The following GLI3 variants were observed in gnomAD, a reference collection of about 807,000 sequenced individuals.
GLI3 encodes the protein GLI family zinc finger 3.
A neutral mutation model predicts 100.8 loss-of-function variants in GLI3; 20 were observed. That is an observed-to-expected ratio of 0.20 (90% CI 0.14 to 0.29). The LOEUF (loss-of-function observed/expected upper bound fraction) is 0.29. Ranked by LOEUF, GLI3 falls within the 10% of genes least tolerant of loss-of-function variation. The pLI is 1.00. For synonymous variants in GLI3, 938 were observed against 860.5 expected, an observed-to-expected ratio of 1.09 and a Z score of -1.58; for missense variants, 2,040 against 2,128.5, an observed-to-expected ratio of 0.96 and a Z score of 0.82.
intron 10 of GLI3, among the ~76,000 whole-genome samples, chr7:41,986,647 T>C (rs1787830887): frequency 6.6e-6 from 1 of 152,072 alleles, no homozygotes; most frequent in Admixed American, 6.6e-5. Flanking sequence ...AATCTATATA[T>C]TAAAAAAGGT....
intron 2 of GLI3, among the ~76,000 whole-genome samples, chr7:42,157,008 C>T (rs1216322921): frequency 6.6e-6 from 1 of 152,196 alleles, no homozygotes; most frequent in Non-Finnish European, 1.5e-5. Flanking sequence ...ATTTTAGAGA[C>T]CATGCTTATG....
At chr7:42,096,675 C>T (rs1785345061) in intron 3 of GLI3, among the ~76,000 whole-genome samples, 1 of 152,204 alleles carries the variant, frequency 6.6e-6, no homozygotes, top group African/African-American at 2.4e-5. Context: ...AGCCACATCC[C>T]TCTCTGCCTG....
chr7:42,261,200 A>AACACACACACACACAAACAC lies in GLI3; in HGVS notation c.-43+2793_-43+2794insGTGTTTGTGTGTGTGTGTGT, dbSNP rs61693928. On this transcript the variant is annotated intron_variant, in intron 1 of 2. Coordinates refer to the GLI3 transcript ENST00000678978. ...ACAGCAGGAACAAGACACACACACA[A>AACACACACACACACAAACAC]ACACACACACACACACACACACAAC... 2.8e-3 allele frequency among the ~76,000 whole-genome samples: 416 copies of AACACACACACACACAAACAC among 147,428 alleles called. 1 individual carries two copies. The highest frequency in any genetic ancestry group is 4.6e-3 in the East Asian group (23 of 4,954).
intron 10 of GLI3, among the ~76,000 whole-genome samples, chr7:42,008,995 C>T (rs958652812): frequency 6.6e-6 from 1 of 152,184 alleles, no homozygotes; most frequent in African/African-American, 2.4e-5. Context: ...ACAACTTCAT[C>T]CTGGAAACAG....
At chr7:42,240,121 A>G (rs1001411025), upstream of GLI3, among the ~76,000 whole-genome samples, 1 of 152,220 alleles carries the variant, frequency 6.6e-6, no homozygotes, top group Non-Finnish European at 1.5e-5. Context: ...CTTTGTTTGT[A>G]GTGATACACA....
chr7:42,238,352 GC>G (rs551708421), upstream of GLI3, among the ~76,000 whole-genome samples: 41 of 151,904 alleles, frequency 2.7e-4, 1 homozygote, highest in African/African-American at 7.7e-4. Context: ...GATTACCACC[GC>G]CCCCCATCCT....
chr7:42,058,086 GATAA>G (rs1784498752), intron 4 of GLI3, among the ~76,000 whole-genome samples: 4 of 151,850 alleles, frequency 2.6e-5, no homozygotes, highest in Admixed American at 2.0e-4. Flanking sequence ...AAAAATATGT[GATAA>G]ATAAAATGGG....
intron 2 of GLI3, among the ~76,000 whole-genome samples, chr7:42,211,708 A>G (rs1217921331): frequency 2.6e-5 from 4 of 152,158 alleles, no homozygotes; most frequent in Non-Finnish European, 5.9e-5. Flanking sequence ...TTCGACATTA[A>G]CTAAGCCTAG....
intron 10 of GLI3, among the ~76,000 whole-genome samples, chr7:41,992,703 C>T (rs1206269076): frequency 6.6e-6 from 1 of 152,058 alleles, no homozygotes; most frequent in Non-Finnish European, 1.5e-5. Flanking sequence ...GAACAAAGGA[C>T]ACAGTAAATG....
intron 6 of GLI3, 51 bp from the exon 7 acceptor site, chr7:42,040,290 C>T (rs1472460687): frequency 7.5e-7 from 1 of 1,334,906 alleles, no homozygotes; most frequent in East Asian, 2.3e-5. Flanking sequence ...GACTCTATAC[C>T]AGCTATTTAT....
Position 41,965,422 on chromosome 7 carries a change from C to A in GLI3, c.3651G>T (p.Gly1217=), listed in dbSNP as rs776777058. The change falls in exon 15 of 15, where the codon GGG becomes GGT. Residue 1217 remains glycine, a synonymous_variant. Coordinates refer to ENST00000395925, the MANE Select transcript of GLI3 (RefSeq NM_000168.6). The stretch of plus-strand genomic sequence containing the variant: ...GGCCACCGTAGGGGTTGCTGTTCTC[C>A]CCGAGGGTCTGATAGCCCCCAGCAG... ...SGPAGGYQTL[G]ENSNPYGGPE... 13 of 1,607,980 alleles carry A rather than the reference C, an allele frequency of 8.1e-6. No individual in the cohort carries two copies. Among genetic ancestry groups the A allele is most frequent in the Admixed American group, 3.3e-5 (2 of 59,916 alleles).
chr7:42,217,461 A>G (rs1405140867), intron 2 of GLI3, among the ~76,000 whole-genome samples: 1 of 152,218 alleles, frequency 6.6e-6, no homozygotes, highest in Non-Finnish European at 1.5e-5. Flanking sequence ...ATAAAATCTA[A>G]TTCGAATACA....
At chr7:42,030,436 G>T (rs1789253697) in intron 7 of GLI3, among the ~76,000 whole-genome samples, 1 of 152,278 alleles carries the variant, frequency 6.6e-6, no homozygotes, top group South Asian at 2.1e-4. Flanking sequence ...TCACCTCAAA[G>T]AAAACTATGT....
At chr7:42,257,449 A>T (rs1001611612) in intron 1 of GLI3, among the ~76,000 whole-genome samples, 1 of 146,486 alleles carries the variant, frequency 6.8e-6, no homozygotes, top group African/African-American at 2.5e-5. Context: ...GGTTCATGCC[A>T]TTCTCCTGCC....
At chr7:41,981,216 C>T (rs1787658608) in intron 10 of GLI3, among the ~76,000 whole-genome samples, 1 of 152,220 alleles carries the variant, frequency 6.6e-6, no homozygotes, top group Non-Finnish European at 1.5e-5. Flanking sequence ...CAGGGAGAGA[C>T]TGCCACCACT....
chr7:42,219,912 G>A (rs1267183367), intron 2 of GLI3, among the ~76,000 whole-genome samples: 2 of 148,778 alleles, frequency 1.3e-5, no homozygotes, highest in African/African-American at 5.0e-5. Flanking sequence ...GGAGTGCAGT[G>A]GCACGATCTT....
chr7:41,994,507 T>C (rs1221032400), intron 10 of GLI3, among the ~76,000 whole-genome samples: 1 of 152,090 alleles, frequency 6.6e-6, no homozygotes, highest in Non-Finnish European at 1.5e-5. Context: ...TTAAAATAAA[T>C]AAATAAGGGT....
intron 1 of GLI3, among the ~76,000 whole-genome samples, chr7:42,256,425 T>A (rs1473936620): frequency 6.6e-6 from 1 of 152,176 alleles, no homozygotes; most frequent in African/African-American, 2.4e-5. Flanking sequence ...CTCTTAGATT[T>A]AAGTTTATAA....
chr7:41,974,199 G>A (rs184935582), intron 12 of GLI3, among the ~76,000 whole-genome samples: 3 of 152,254 alleles, frequency 2.0e-5, no homozygotes, highest in Admixed American at 6.5e-5. Context: ...AACCAAGGAC[G>A]CAGCCAATAT....
Sources: allele counts gnomAD v4.1 joint callset (sites outside exome capture counted in the v4.1 genomes callset), GRCh38; gene constraint gnomAD v4.1.1; transcripts MANE v1.5; gene names NCBI Gene and HGNC (gene_info 2026-07-23, HGNC 2026-07-21).